The following AQR variants were observed in gnomAD, a reference collection of about 807,000 sequenced individuals.
AQR encodes RNA helicase aquarius.
AQR carries 61 observed loss-of-function variants against 180.5 expected under a neutral mutation model. That is an observed-to-expected ratio of 0.34 (90% CI 0.28 to 0.42). The LOEUF (loss-of-function observed/expected upper bound fraction) is 0.42. AQR is among the 10% of genes least tolerant of loss of function. The pLI, the probability that AQR is intolerant of heterozygous loss-of-function variation, is 1.00. For synonymous variants in AQR, 551 were observed against 588.8 expected (o/e 0.94, Z 0.93); for missense variants, 1,281 against 1,798.3 (o/e 0.71, Z 5.20).
At position 34,940,970 on chromosome 15, in the gene AQR, T is replaced by G; in HGVS notation, c.570A>C (p.Thr190=). 1.2e-6 allele frequency: 2 copies of G among 1,609,638 alleles called. No individual in the cohort carries two copies. Among genetic ancestry groups the G allele is most frequent in the Non-Finnish European group, 1.7e-6 (2 of 1,178,134 alleles). ...LARLELELKK[T]PKLRKFWNLI... ...AGTTCCAGAATTTTCTTAGCTTAGG[T>G]GTCTTTTTTAATTCTAATTCCAATC... is the stretch of plus-strand genomic sequence containing the variant. The change falls in exon 8 of 35, where the codon ACA becomes ACC. Residue 190 remains threonine, a synonymous_variant. Transcript: ENST00000156471.
At chr15:34,914,932 C>T (rs1380812194) in intron 16 of AQR, 106 bp downstream of exon 16, 2 of 1,237,578 alleles carry the variant, frequency 1.6e-6, no homozygotes, top group African/African-American at 3.1e-5. Flanking sequence ...TTAGAGGGCA[C>T]TTTTGTCTCA....
At position 34,854,258 on chromosome 15, in the gene AQR, G is replaced by A. The variant is rs1892556354; in HGVS notation, c.*2534C>T. On this transcript the variant is annotated 3_prime_UTR_variant, in exon 35 of 35. Transcript: ENST00000156471. ...CTCTTTTTGGTTTTCTTTACAAAGA[G>A]ATTCTAAAATCATGACACATTTAGA... The A allele has an allele frequency of 6.6e-6, 1 of 151,724 alleles. No individual in the cohort carries two copies. The highest frequency in any genetic ancestry group is 1.5e-5 in the Non-Finnish European group (1 of 67,976). 9.4% of individuals were successfully genotyped at this position (151,724 alleles called of 1,614,324 possible).
intron 5 of AQR, among the ~76,000 whole-genome samples, chr15:34,947,708 T>C (rs1461004938): frequency 1.3e-5 from 2 of 152,078 alleles, no homozygotes; most frequent in Non-Finnish European, 2.9e-5. Flanking sequence ...GGTGCAATCA[T>C]AGTTCATTGC....
chr15:34,967,903 T>C (rs1486805834), intron 1 of AQR, among the ~76,000 whole-genome samples: 1 of 152,010 alleles, frequency 6.6e-6, no homozygotes, highest in African/African-American at 2.4e-5. Context: ...AACCTCCGCC[T>C]CCCGGGTTCA....
chr15:34,905,131 C>T (rs756011523), intron 18 of AQR, among the ~76,000 whole-genome samples: 4 of 151,492 alleles, frequency 2.6e-5, no homozygotes, highest in African/African-American at 4.9e-5. Context: ...TCTTAGACCT[C>T]GAACTTTGGT....
chr15:34,952,972 C>A, intron 3 of AQR, 52 bp from the exon 4 acceptor site: 1 of 1,095,190 alleles, frequency 9.1e-7, no homozygotes, highest in South Asian at 1.5e-5. Context: ...ACAAACGTTT[C>A]AGAGTTATTA....
chr15:34,894,740 T>C (rs899359756), intron 22 of AQR, among the ~76,000 whole-genome samples: 2 of 152,146 alleles, frequency 1.3e-5, no homozygotes, highest in African/African-American at 4.8e-5. Context: ...AAGGAAACTT[T>C]ATGGGAGTAA....
chr15:34,859,419 A>G (rs911485176), intron 34 of AQR, among the ~76,000 whole-genome samples: 2 of 152,218 alleles, frequency 1.3e-5, no homozygotes, highest in African/African-American at 4.8e-5. Flanking sequence ...GAGGATGTGT[A>G]GCAACTAGAA....
chr15:34,912,576 ATATC>A (rs1169522897), intron 16 of AQR, among the ~76,000 whole-genome samples: 2 of 152,094 alleles, frequency 1.3e-5, no homozygotes, highest in Non-Finnish European at 2.9e-5. Flanking sequence ...CAAACAAAGA[ATATC>A]TATGTAAAAA....
At chr15:34,925,445 G>A (rs1893746313) in intron 13 of AQR, among the ~76,000 whole-genome samples, 1 of 152,194 alleles carries the variant, frequency 6.6e-6, no homozygotes, top group South Asian at 2.1e-4. Flanking sequence ...AGTTTTAAAC[G>A]CATGCCCCGT....
At chr15:34,900,574 C>CATT (rs1310860230) in intron 20 of AQR, 48 bp downstream of exon 20, 2 of 1,579,544 alleles carry the variant, frequency 1.3e-6, no homozygotes, top group South Asian at 2.4e-5. Context: ...GCATAACGTA[C>CATT]ATTGACTACA....
intron 18 of AQR, 126 bp from the exon 19 acceptor site, chr15:34,904,631 A>C: frequency 1.2e-6 from 1 of 827,396 alleles, no homozygotes; most frequent in East Asian, 2.9e-5. Flanking sequence ...CATTCTTCCC[A>C]AAGTAGAATG....
At chr15:34,875,810 CAT>C (rs1892881821) in intron 28 of AQR, 123 bp downstream of exon 28, 1 of 646,968 alleles carries the variant, frequency 1.5e-6, no homozygotes, top group Admixed American at 2.6e-5. Flanking sequence ...GAATACCAAA[CAT>C]AATGAAGTTA....
At chr15:34,893,544 T>C in intron 23 of AQR, 119 bp downstream of exon 23, 2 of 752,586 alleles carry the variant, frequency 2.7e-6, no homozygotes, top group African/African-American at 1.7e-5. Context: ...AGGAACTTAT[T>C]GTGTCCCACA....
intron 26 of AQR, among the ~76,000 whole-genome samples, chr15:34,883,397 G>A (rs1285996215): frequency 6.6e-6 from 1 of 152,070 alleles, no homozygotes; most frequent in Non-Finnish European, 1.5e-5. Context: ...TACACATATA[G>A]GTGAGGTACC....
Position 34,969,701 on chromosome 15 carries a change from G to C in AQR, c.-88C>G. On this transcript the variant is annotated 5_prime_UTR_variant, in exon 1 of 35. Coordinates refer to ENST00000156471, the MANE Select transcript of AQR (RefSeq NM_014691.3). Reference sequence around the variant, plus strand: ...GGTCCACTTCCCTTAAGTTACTGCCGGGGCGCTTAACTCCGCGCCGCACAA... The same window carrying C: ...GGTCCACTTCCCTTAAGTTACTGCCCGGGCGCTTAACTCCGCGCCGCACAA... The C allele has an allele frequency of 7.3e-7, 1 of 1,378,980 alleles. No individual in the cohort carries two copies. Among genetic ancestry groups the C allele is most frequent in the Non-Finnish European group, 9.8e-7 (1 of 1,019,120 alleles). 85.4% of individuals were successfully genotyped at this position (1,378,980 alleles called of 1,614,324 possible).
chr15:34,857,249 C>A, intron 34 of AQR, 143 bp from the exon 35 acceptor site: 1 of 695,190 alleles, frequency 1.4e-6, no homozygotes, highest in Non-Finnish European at 2.3e-6. Flanking sequence ...TGACAATGGT[C>A]TAGGTTCTGC....
Position 34,870,439 on chromosome 15 carries a change from T to C in AQR, c.3768+313A>G, listed in dbSNP as rs143700491. Among the ~76,000 whole-genome samples the C allele has an allele frequency of 2.2e-4, 33 of 152,246 alleles. No individual in the cohort carries two copies. In the East Asian group the frequency reaches 6.2e-3, roughly 28 times the overall value. On this transcript the variant is annotated intron_variant, in intron 31 of 34. Transcript: ENST00000156471. ...ATACACAATAAAAAGCAGTCTAAAT[T>C]ATACCCCTGCAAAGCAAAACATACT... is the stretch of plus-strand genomic sequence containing the variant.
intron 23 of AQR, 56 bp downstream of exon 23, chr15:34,893,607 G>GCACACACA (rs386382691): frequency 0.012 from 11,547 of 997,494 alleles, 176 homozygotes; most frequent in Admixed American, 0.062. Flanking sequence ...GCGCATGCGT[G>GCACACACA]CACACACACA....
Sources: allele counts gnomAD v4.1 joint callset (sites outside exome capture counted in the v4.1 genomes callset), GRCh38; gene constraint gnomAD v4.1.1; transcripts MANE v1.5; gene names NCBI Gene and HGNC (gene_info 2026-07-23, HGNC 2026-07-21).